The following C2orf92 variants were observed in gnomAD, a reference collection of about 807,000 sequenced individuals.
C2orf92 encodes the protein uncharacterized protein C2orf92.
At chr2:97,698,790 G>A (rs1676396644) in intron 5 of C2orf92, among the ~76,000 whole-genome samples, 1 of 152,188 alleles carries the variant, frequency 6.6e-6, no homozygotes, top group South Asian at 2.1e-4. Flanking sequence ...ACGCTCGAGT[G>A]TAAGAAATGC....
chr2:97,673,008 AAGG>A (rs1298418201), intron 1 of C2orf92, among the ~76,000 whole-genome samples: 1 of 152,172 alleles, frequency 6.6e-6, no homozygotes, highest in Non-Finnish European at 1.5e-5. Context: ...CTTAAAAGGG[AAGG>A]AGAACTTAAT....
chr2:97,679,899 G>A (rs2104555424), intron 3 of C2orf92, among the ~76,000 whole-genome samples: 1 of 143,972 alleles, frequency 6.9e-6, no homozygotes, highest in African/African-American at 2.6e-5. Flanking sequence ...ACATTATAAA[G>A]AACCAACTTT....
At chr2:97,683,554 AG>A (rs1429024995) in intron 3 of C2orf92, among the ~76,000 whole-genome samples, 3 of 151,312 alleles carry the variant, frequency 2.0e-5, no homozygotes, top group Non-Finnish European at 2.9e-5. Context: ...AAAAAAAAAA[AG>A]ATGTCAAAAT....
rs757705048 is a variant in C2orf92, at chr2:97,675,583, G to A, written c.149-262G>A. The A allele has an allele frequency of 2.5e-5, 9 of 353,814 alleles. No homozygotes were observed. The South Asian group carries it at 7.6e-4, about 30-fold the overall frequency. The allele number at this position is 353,814 out of a possible 1,614,324, so 21.9% of individuals were successfully genotyped here. The stretch of plus-strand genomic sequence containing the variant: ...CCCGTTTTCCTGTAGCATTAAACCT[G>A]CCATGTGCACAAATCTCTCAATGCT... On this transcript the variant is annotated intron_variant, in intron 2 of 7. Transcript: ENST00000627399.
chr2:97,699,868 C>T (rs1028940902), intron 6 of C2orf92, among the ~76,000 whole-genome samples: 5 of 152,176 alleles, frequency 3.3e-5, no homozygotes, highest in Non-Finnish European at 7.3e-5. Flanking sequence ...TCTAGCAGAG[C>T]CTTAGAGCTG....
At chr2:97,698,900 T>C in intron 5 of C2orf92, 126 bp from the exon 6 acceptor site, 1 of 395,128 alleles carries the variant, frequency 2.5e-6, no homozygotes. Flanking sequence ...GTAGGACATT[T>C]AGACTTTTCC....
intron 5 of C2orf92, among the ~76,000 whole-genome samples, chr2:97,692,560 C>T (rs1442159529): frequency 6.6e-6 from 1 of 152,048 alleles, no homozygotes; most frequent in African/African-American, 2.4e-5. Flanking sequence ...CAAGCACATG[C>T]CACCATGCCC....
intron 5 of C2orf92, among the ~76,000 whole-genome samples, chr2:97,696,375 G>T (rs893932013): frequency 6.6e-6 from 1 of 152,062 alleles, no homozygotes; most frequent in African/African-American, 2.4e-5. Context: ...AGGCTACTCT[G>T]CAGGGACAGT....
At chr2:97,686,523 G>A (rs1440215202) in intron 3 of C2orf92, among the ~76,000 whole-genome samples, 3 of 152,004 alleles carry the variant, frequency 2.0e-5, no homozygotes, top group Non-Finnish European at 4.4e-5. Context: ...CGGTTCAAGC[G>A]ATTCTCTTGC....
chr2:97,696,012 A>G (rs1365241180), intron 5 of C2orf92, among the ~76,000 whole-genome samples: 1 of 152,102 alleles, frequency 6.6e-6, no homozygotes, highest in East Asian at 1.9e-4. Flanking sequence ...TCTCTCACTC[A>G]AGACCTAACT....
intron 5 of C2orf92, among the ~76,000 whole-genome samples, chr2:97,693,563 A>C (rs1158411932): frequency 6.6e-6 from 1 of 152,234 alleles, no homozygotes. Context: ...CCTTAAGTCT[A>C]TTAAGATTAT....
chr2:97,691,492 A>G (rs1676135701), intron 5 of C2orf92, among the ~76,000 whole-genome samples: 1 of 152,186 alleles, frequency 6.6e-6, no homozygotes. Flanking sequence ...TGCTGGAGGG[A>G]GATTGGCTCC....
At chr2:97,671,753 C>G in intron 1 of C2orf92, 1 of 346,510 alleles carries the variant, frequency 2.9e-6, no homozygotes, top group Non-Finnish European at 5.2e-6. Context: ...CAGATGCCAC[C>G]TCACACTAGC....
intron 1 of C2orf92, chr2:97,672,322 TC>T (rs1362720380): frequency 1.3e-5 from 2 of 150,614 alleles, no homozygotes; most frequent in Admixed American, 1.3e-4. Flanking sequence ...TCTATTCCGT[TC>T]CGGCAGCTGT....
chr2:97,672,326 G>A (rs953387654), intron 1 of C2orf92: 1 of 150,678 alleles, frequency 6.6e-6, no homozygotes, highest in Non-Finnish European at 1.5e-5. Flanking sequence ...TTCCGTTCCG[G>A]CAGCTGTCCG....
Position 97,702,947 on chromosome 2 carries a change from C to T in C2orf92, c.*146C>T, listed in dbSNP as rs1324176610. On this transcript the variant is annotated 3_prime_UTR_variant, in exon 8 of 8. Coordinates refer to ENST00000627399, the MANE Select transcript of C2orf92 (RefSeq NM_001351368.2). ...GCTTCCCATCCCAATTTGAATGGAC[C>T]AAGAAAAACTGCTTTACCATAGGAC... The T allele has an allele frequency of 2.5e-6, 1 of 395,752 alleles. No individual in the cohort carries two copies. Among genetic ancestry groups the T allele is most frequent in the Non-Finnish European group, 4.4e-6 (1 of 224,842 alleles). 24.5% of individuals were successfully genotyped at this position (395,752 alleles called of 1,614,324 possible). A position where few individuals can be genotyped will look rare whatever the true frequency, so the allele number is the denominator to read the frequency against.
chr2:97,673,088 T>C (rs1224733827), intron 1 of C2orf92, among the ~76,000 whole-genome samples: 6 of 152,244 alleles, frequency 3.9e-5, no homozygotes, highest in Non-Finnish European at 4.4e-5. Context: ...TCCGAGCTTA[T>C]AGAATCTATT....
At chr2:97,679,403 T>C (rs1212434651) in intron 3 of C2orf92, among the ~76,000 whole-genome samples, 3 of 152,218 alleles carry the variant, frequency 2.0e-5, no homozygotes, top group African/African-American at 7.2e-5. Flanking sequence ...TTGTATACTA[T>C]TGAAACTAAG....
At chr2:97,677,357 A>C (rs1384219474) in intron 3 of C2orf92, 2 of 152,244 alleles carry the variant, frequency 1.3e-5, no homozygotes, top group African/African-American at 4.8e-5. Context: ...GAGGCTTCCA[A>C]GCAGCCCTGT....
Sources: gnomAD v4.1 joint callset for allele counts (sites outside exome capture counted in the v4.1 genomes callset) on GRCh38, gnomAD v4.1.1 for gene constraint, MANE v1.5 for transcripts, NCBI Gene and HGNC (gene_info 2026-07-23, HGNC 2026-07-21) for gene names.